The following PRDM1 variants were observed in gnomAD, a reference collection of about 807,000 sequenced individuals.
PRDM1 encodes PR/SET domain 1, also known as PR domain zinc finger protein 1.
PRDM1 carries 13 observed loss-of-function variants against 62.8 expected under a neutral mutation model. The ratio of observed to expected loss-of-function variants is 0.21; its 90% confidence interval spans 0.13 to 0.33. The LOEUF (loss-of-function observed/expected upper bound fraction) is 0.33, where lower values mean the gene tolerates loss of function less well. PRDM1 is among the 10% of genes least tolerant of loss of function. The pLI is 1.00. For missense variants in PRDM1, 895 were observed against 1,058.8 expected, an observed-to-expected ratio of 0.85 and a Z score of 2.15; for synonymous variants, 396 against 417.6, an observed-to-expected ratio of 0.95 and a Z score of 0.63.
chr6:106,085,630 T>G (rs558884491), upstream of PRDM1, among the ~76,000 whole-genome samples: 2 of 152,214 alleles, frequency 1.3e-5, no homozygotes, highest in Non-Finnish European at 2.9e-5. Flanking sequence ...CTTGCAGTGA[T>G]CAGTTCAATA....
intron 1 of PRDM1, among the ~76,000 whole-genome samples, chr6:106,053,467 G>A (rs1277207125): frequency 2.6e-5 from 4 of 151,572 alleles, no homozygotes; most frequent in African/African-American, 4.9e-5. Flanking sequence ...AAACACAGTT[G>A]AGACCCCAAT....
chr6:106,056,644 G>T (rs1335323724), intron 1 of PRDM1, among the ~76,000 whole-genome samples: 1 of 152,188 alleles, frequency 6.6e-6, no homozygotes, highest in Non-Finnish European at 1.5e-5. Flanking sequence ...AATTAGAAGG[G>T]TGGGACCAGA....
intron 4 of PRDM1, among the ~76,000 whole-genome samples, chr6:106,102,483 G>C (rs1017241281): frequency 3.9e-5 from 6 of 152,210 alleles, no homozygotes; most frequent in African/African-American, 1.4e-4. Context: ...ATTAGAGATA[G>C]CAAACATTTA....
intron 4 of PRDM1, chr6:106,100,645 C>G (rs1774240679): frequency 1.3e-5 from 2 of 152,158 alleles, no homozygotes; most frequent in African/African-American, 2.4e-5. Flanking sequence ...AGTACTTACC[C>G]TAGTCATATA....
chr6:106,062,044 G>C (rs1057020639), intron 1 of PRDM1, among the ~76,000 whole-genome samples: 19 of 152,166 alleles, frequency 1.2e-4, no homozygotes, highest in African/African-American at 4.1e-4. Flanking sequence ...CTGTCAGTGA[G>C]GTTGTGAATA....
chr6:106,016,649 CTTTTTT>C (rs71006665), intron 1 of PRDM1, among the ~76,000 whole-genome samples: 1 of 135,812 alleles, frequency 7.4e-6, no homozygotes, highest in African/African-American at 2.7e-5. Flanking sequence ...TCTTTTCTCT[CTTTTTT>C]TTTTTTTTTT....
chr6:106,104,345 G>T (rs1774371140), intron 4 of PRDM1, among the ~76,000 whole-genome samples: 1 of 152,034 alleles, frequency 6.6e-6, no homozygotes, highest in African/African-American at 2.4e-5. Context: ...CCAAGTAGCT[G>T]GGATTACAGG....
Position 106,106,235 on chromosome 6 carries a change from A to T in PRDM1, c.1774-136A>T. Reference sequence around the variant, plus strand: ...TTAAGAAAAACACCATTCTGAAAACATGAAGATTTCTTCTTTTTAAGACTG... The same window carrying T: ...TTAAGAAAAACACCATTCTGAAAACTTGAAGATTTCTTCTTTTTAAGACTG... On this transcript the variant is annotated intron_variant, in intron 5 of 6. Coordinates refer to ENST00000369096, the MANE Select transcript of PRDM1 (RefSeq NM_001198.4). The surrounding 1 kb of genome is among the most constrained non-coding windows in gnomAD (Gnocchi z 4.4). 4.4e-6 allele frequency: 6 copies of T among 1,363,610 alleles called. No homozygotes were observed. The highest frequency in any genetic ancestry group is 6.0e-6 in the Non-Finnish European group (6 of 1,004,278). The allele number at this position is 1,363,610 out of a possible 1,614,324, so 84.5% of individuals were successfully genotyped here.
chr6:106,032,798 C>G (rs539467694), intron 1 of PRDM1, among the ~76,000 whole-genome samples: 39 of 152,288 alleles, frequency 2.6e-4, no homozygotes, highest in Middle Eastern at 6.8e-3. Context: ...AATAATCACC[C>G]TCATACAATT....
At chr6:106,024,768 C>T (rs966577508) in intron 1 of PRDM1, among the ~76,000 whole-genome samples, 4 of 152,120 alleles carry the variant, frequency 2.6e-5, no homozygotes, top group Non-Finnish European at 5.9e-5. Flanking sequence ...TTTAGCTCAT[C>T]TTTTCAGGAG....
At chr6:106,073,404 A>C (rs972548016) in intron 1 of PRDM1, among the ~76,000 whole-genome samples, 17 of 152,234 alleles carry the variant, frequency 1.1e-4, no homozygotes, top group African/African-American at 3.9e-4. Flanking sequence ...CATGAGCCAC[A>C]GCACCCGGCC....
chr6:106,021,317 A>T (rs1204979412), intron 1 of PRDM1, among the ~76,000 whole-genome samples: 1 of 152,188 alleles, frequency 6.6e-6, no homozygotes, highest in Admixed American at 6.5e-5. Context: ...TTCAGTAAAA[A>T]ATGCAGAAAA....
chr6:106,106,466 G>A lies in PRDM1; in HGVS notation c.1869G>A (p.Leu623=). The A allele has an allele frequency of 6.2e-7, 1 of 1,614,114 alleles. No individual in the cohort carries two copies. The highest frequency in any genetic ancestry group is 8.5e-7 in the Non-Finnish European group (1 of 1,180,026). Residue 623 remains leucine, a synonymous_variant, in exon 6 of 7, where the codon CTG becomes CTA. Coordinates refer to ENST00000369096, the MANE Select transcript of PRDM1 (RefSeq NM_001198.4). This position sits in a 1 kb window ranked among gnomAD's most constrained non-coding sequence, Gnocchi z 4.4. ...TCGCCCACCTGCAGAAACACTACCT[G>A]GTACACACGGGAGAAAAGCCACATG... ...TQLAHLQKHY[L]VHTGEKPHEC...
rs1421158508 is a variant in PRDM1 at position 105,994,426 on chromosome 6, A to G, written c.-67+787A>G. On this transcript the variant is annotated intron_variant, in intron 1 of 6. Coordinates refer to the PRDM1 transcript ENST00000652320. The surrounding 1 kb of genome is among the most constrained non-coding windows in gnomAD (Gnocchi z 4.1). Reference sequence around the variant, plus strand: ...ACAGCGACGCTTCCGCTGGAAGACGAGCGGGGACGCGTGACAGCGCGGGGA... The same window carrying G: ...ACAGCGACGCTTCCGCTGGAAGACGGGCGGGGACGCGTGACAGCGCGGGGA... Among the ~76,000 whole-genome samples the G allele has an allele frequency of 6.6e-6, 1 of 150,816 alleles. No individual in the cohort carries two copies. Among genetic ancestry groups the G allele is most frequent in the Non-Finnish European group, 1.5e-5 (1 of 67,792 alleles).
rs1253319625 is a variant in PRDM1, at chr6:106,086,547, T to G, written c.-7T>G. 3 of 1,551,846 alleles carry G rather than the reference T, an allele frequency of 1.9e-6. No individual in the cohort carries two copies. The highest frequency in any genetic ancestry group is 2.6e-6 in the Non-Finnish European group (3 of 1,146,764). On this transcript the variant is annotated 5_prime_UTR_variant, in exon 1 of 7. Transcript: ENST00000369096. ...GACTGGGTAGAGATGAACGAGACTT[T>G]TCTCAGATGTTGGATATTTGCTTGG...
At chr6:106,036,201 T>C (rs1772923744) in intron 1 of PRDM1, among the ~76,000 whole-genome samples, 3 of 152,106 alleles carry the variant, frequency 2.0e-5, no homozygotes, top group African/African-American at 7.2e-5. Flanking sequence ...CAGGCTGGGG[T>C]GCAGTGGTGC....
At chr6:106,053,019 C>A (rs538635355) in intron 1 of PRDM1, among the ~76,000 whole-genome samples, 1 of 151,772 alleles carries the variant, frequency 6.6e-6, no homozygotes, top group Non-Finnish European at 1.5e-5. Context: ...CTAAAAAAAC[C>A]CTCAAATATT....
chr6:106,054,925 TAGCG>T (rs1562154566), intron 1 of PRDM1, among the ~76,000 whole-genome samples: 2 of 152,236 alleles, frequency 1.3e-5, no homozygotes, highest in Non-Finnish European at 2.9e-5. Flanking sequence ...TCTGAATTCA[TAGCG>T]AGAATAGGAT....
chr6:106,030,779 A>G (rs567870084), intron 1 of PRDM1, among the ~76,000 whole-genome samples: 12 of 152,182 alleles, frequency 7.9e-5, no homozygotes, highest in Non-Finnish European at 1.5e-4. Flanking sequence ...CGTATGCTAA[A>G]AAGACTTTCC....
Sources: gnomAD v4.1 joint callset for allele counts (sites outside exome capture counted in the v4.1 genomes callset) on GRCh38, gnomAD v4.1.1 for gene constraint, Gnocchi (gnomAD v3.1) non-coding constraint, MANE v1.5 for transcripts, NCBI Gene and HGNC (gene_info 2026-07-23, HGNC 2026-07-21) for gene names.